Variants in ARMCX4 observed in about 807,000 individuals in gnomAD.
ARMCX4 encodes armadillo repeat-containing X-linked protein 4.
A neutral mutation model predicts 34.7 loss-of-function variants in ARMCX4; 3 were observed. The observed-to-expected ratio is 0.09, with a 90% confidence interval of 0.04 to 0.22. The LOEUF is 0.22. ARMCX4 is among the 10% of genes least tolerant of loss of function. ARMCX4 has a pLI of 1.00. For missense variants in ARMCX4, 1,448 were observed against 1,720.8 expected, an observed-to-expected ratio of 0.84 and a Z score of 2.81; for synonymous variants, 513 against 632.8, an observed-to-expected ratio of 0.81 and a Z score of 2.84.
chrX:101,530,031 A>G (rs1426189570), intron 11 of ARMCX4, among the ~76,000 whole-genome samples: 2 of 112,139 alleles, frequency 1.8e-5, no homozygotes, highest in Non-Finnish European at 3.8e-5. Flanking sequence ...AGACACATGC[A>G]CACGTATTTT....
intron 2 of ARMCX4, among the ~76,000 whole-genome samples, chrX:101,435,820 G>A (rs372761633): frequency 2.7e-5 from 3 of 109,858 alleles, no homozygotes; most frequent in Non-Finnish European, 5.7e-5. Context: ...TAATTTTTGT[G>A]TAAGGTGTAA....
intron 11 of ARMCX4, chrX:101,524,054 C>G (rs1569349947): frequency 9.0e-6 from 1 of 110,667 alleles, no homozygotes; most frequent in South Asian, 3.9e-4. Context: ...ACCACTGCAC[C>G]AGAGCTGGAG....
chrX:101,484,422 C>G (rs1376371283), upstream of ARMCX4, among the ~76,000 whole-genome samples: 3 of 111,894 alleles, frequency 2.7e-5, no homozygotes, highest in Non-Finnish European at 5.6e-5. Flanking sequence ...AATAAAGCCC[C>G]TTGAATGGAA....
At chrX:101,441,964 C>T (rs1185953020) in intron 2 of ARMCX4, among the ~76,000 whole-genome samples, 1 of 111,922 alleles carries the variant, frequency 8.9e-6, no homozygotes, top group Non-Finnish European at 1.9e-5. Flanking sequence ...TTAACAAGTG[C>T]TCAGGGTGGT....
chrX:101,516,575 G>A (rs1247483084), intron 11 of ARMCX4: 5 of 111,215 alleles, frequency 4.5e-5, no homozygotes, highest in African/African-American at 1.6e-4. Flanking sequence ...ATTATAATAC[G>A]GTAATTTTGG....
intron 2 of ARMCX4, among the ~76,000 whole-genome samples, chrX:101,441,836 C>A (rs1218574861): frequency 9.0e-6 from 1 of 111,444 alleles, no homozygotes. Context: ...GTTCCTGGAC[C>A]AGGAACATCA....
Position 101,493,341 on chromosome X carries a change from G to A in ARMCX4, c.4752G>A (p.Gly1584=). 2 of 1,155,100 alleles carry A rather than the reference G, an allele frequency of 1.7e-6. No homozygotes were observed. Among genetic ancestry groups the A allele is most frequent in the Non-Finnish European group, 2.3e-6 (2 of 872,522 alleles). The part of the protein sequence containing the change: ...PGFEDQAIGG[G]FWPGAGDQTG... ...TTGAGGATCAGGCCATTGGAGGGGG[G>A]TTCTGGCCTGGTGCTGGGGACCAGA... Residue 1584 remains glycine, a synonymous_variant, in exon 6 of 6, where the codon GGG becomes GGA. Coordinates refer to ENST00000423738, the MANE Select transcript of ARMCX4 (RefSeq NM_001256155.3).
In ARMCX4 at chrX:101,493,404, C is replaced by G. The variant is rs782575406; in HGVS notation, c.4815C>G (p.Ser1605=). The change falls in exon 6 of 6, where the codon TCC becomes TCG. Residue 1605 remains serine (S), a synonymous_variant. Transcript: ENST00000423738. ...GGSRPGSEDQ[S]SGIGSWGVAG... ...CCAGGCCAGGGTCTGAGGATCAGTC[C>G]AGTGGAATAGGTTCCTGGGGTGTGG... is the stretch of plus-strand genomic sequence containing the variant. 8.7e-7 allele frequency: 1 copy of G among 1,152,080 alleles called. No individual in the cohort carries two copies. Among genetic ancestry groups the G allele is most frequent in the African/African-American group, 1.8e-5 (1 of 54,935 alleles). The allele number at this position is 1,152,080 out of a possible 1,213,427, so 94.9% of individuals were successfully genotyped here.
intron 2 of ARMCX4, among the ~76,000 whole-genome samples, chrX:101,429,682 C>G (rs782050134): frequency 9.0e-6 from 1 of 111,354 alleles, no homozygotes; most frequent in African/African-American, 3.3e-5. Context: ...AGCACTTTGC[C>G]TGCCATCGAG....
intron 4 of ARMCX4, among the ~76,000 whole-genome samples, chrX:101,460,980 C>T (rs1347227507): frequency 8.9e-6 from 1 of 112,149 alleles, no homozygotes; most frequent in African/African-American, 3.2e-5. Flanking sequence ...CTCCAGGGCT[C>T]TGAATGCTCT....
chrX:101,481,817 G>A (rs782577547), upstream of ARMCX4, among the ~76,000 whole-genome samples: 2 of 111,465 alleles, frequency 1.8e-5, no homozygotes, highest in Non-Finnish European at 3.8e-5. Context: ...TATTAGCTCC[G>A]GATCCAGAAC....
intron 11 of ARMCX4, among the ~76,000 whole-genome samples, chrX:101,518,000 C>A (rs1471440105): frequency 9.0e-6 from 1 of 111,418 alleles, no homozygotes; most frequent in African/African-American, 3.3e-5. Context: ...CATATAAAAT[C>A]CTACATGCTT....
intron 2 of ARMCX4, among the ~76,000 whole-genome samples, chrX:101,432,044 T>A (rs1434501691): frequency 1.8e-5 from 2 of 112,683 alleles, no homozygotes; most frequent in Admixed American, 1.9e-4. Flanking sequence ...TCAACAAATC[T>A]TGAATATATA....
intron 7 of ARMCX4, among the ~76,000 whole-genome samples, chrX:101,502,921 G>A: frequency 1.1e-5 from 1 of 89,438 alleles, no homozygotes; most frequent in South Asian, 7.1e-4. Context: ...AACTCCTAAT[G>A]CTATCCCTCC....
chrX:101,453,664 G>C (rs1160350171), intron 4 of ARMCX4, among the ~76,000 whole-genome samples: 3 of 110,902 alleles, frequency 2.7e-5, no homozygotes, highest in African/African-American at 9.8e-5. Flanking sequence ...GGTCACAGCT[G>C]TTTTACAGGG....
chrX:101,530,442 C>A (rs1935100408), intron 11 of ARMCX4, among the ~76,000 whole-genome samples: 1 of 110,664 alleles, frequency 9.0e-6, no homozygotes, highest in African/African-American at 3.3e-5. Flanking sequence ...ATGTAACAAA[C>A]CTGCACGTTG....
intron 4 of ARMCX4, among the ~76,000 whole-genome samples, chrX:101,471,650 C>T (rs1932909156): frequency 9.0e-6 from 1 of 111,662 alleles, no homozygotes; most frequent in Non-Finnish European, 1.9e-5. Context: ...TCCCTGACCC[C>T]TGACCCTGGA....
Position 101,491,867 on chromosome X carries a change from A to G in ARMCX4, c.3278A>G (p.His1093Arg). The change falls in exon 6 of 6, where the codon CAT becomes CGT. Residue 1093 changes from histidine (H) to arginine (R), a missense_variant. His to Arg is a conservative substitution (Grantham distance 29, BLOSUM62 0). Around this residue, in one of 2 missense-constraint regions of ARMCX4, gnomAD observed 1,343 missense variants for 1,540.7 expected, o/e 0.87. Transcript: ENST00000423738. The part of the protein sequence containing the change: ...QACRKTQPNI[H>R]DYYWNGIGVE... ...TGCAGAAAGACTCAGCCTAACATCC[A>G]TGACTACTACTGGAATGGGATTGGT... 2.6e-6 allele frequency: 3 copies of G among 1,155,766 alleles called. No homozygotes were observed. The highest frequency in any genetic ancestry group is 3.4e-6 in the Non-Finnish European group (3 of 872,445).
chrX:101,469,590 A>C (rs1932854695), intron 4 of ARMCX4, among the ~76,000 whole-genome samples: 1 of 112,332 alleles, frequency 8.9e-6, no homozygotes, highest in African/African-American at 3.2e-5. Flanking sequence ...TTTATATACA[A>C]TATATCACAC....
Sources: gnomAD v4.1 joint callset for allele counts (sites outside exome capture counted in the v4.1 genomes callset) on GRCh38, gnomAD v4.1.1 for gene constraint, gnomAD v4.1.1 regional missense constraint, MANE v1.5 for transcripts, NCBI Gene and HGNC (gene_info 2026-07-23, HGNC 2026-07-21) for gene names.